Variants in RBFOX1 observed in about 807,000 individuals in gnomAD.
The protein encoded by RBFOX1 is RNA binding protein fox-1 homolog 1.
In RBFOX1, 8 loss-of-function variants were observed where a neutral mutation model predicts 57.7. The observed-to-expected ratio is 0.14, with a 90% CI of 0.08 to 0.25. The LOEUF (loss-of-function observed/expected upper bound fraction) is 0.25. Among genes scored for constraint, RBFOX1 ranks in the 10% least tolerant of loss-of-function variants. The pLI, the probability that RBFOX1 is intolerant of heterozygous loss-of-function variation, is 1.00. For missense variants in RBFOX1, 611 were observed against 548.5 expected (o/e 1.11, Z -1.14); for synonymous variants, 326 against 222.4 (o/e 1.47, Z -4.15).
At chr16:5,337,634 C>T (rs1476249725) in intron 1 of RBFOX1, among the ~76,000 whole-genome samples, 1 of 152,150 alleles carries the variant, frequency 6.6e-6, no homozygotes, top group African/African-American at 2.4e-5. Context: ...ACTGTGATGT[C>T]TTACCTCTAG....
At chr16:6,026,763 C>T (rs2095203800) in intron 1 of RBFOX1, among the ~76,000 whole-genome samples, 1 of 152,200 alleles carries the variant, frequency 6.6e-6, no homozygotes, top group African/African-American at 2.4e-5. Context: ...GTCTCAAGGC[C>T]CTGGGTTGCC....
chr16:7,687,071 C>T (rs897050279), intron 14 of RBFOX1, among the ~76,000 whole-genome samples: 4 of 152,024 alleles, frequency 2.6e-5, no homozygotes, highest in African/African-American at 9.7e-5. Context: ...TGTGTTCCCC[C>T]TTTTCAAAAA....
chr16:7,404,721 C>A (rs563221727), intron 4 of RBFOX1, among the ~76,000 whole-genome samples: 127 of 151,364 alleles, frequency 8.4e-4, no homozygotes, highest in Non-Finnish European at 1.2e-3. Flanking sequence ...AACAAACAAA[C>A]AAACAAAACC....
intron 3 of RBFOX1, among the ~76,000 whole-genome samples, chr16:5,739,365 A>T (rs1473022326): frequency 1.3e-5 from 2 of 152,238 alleles, no homozygotes; most frequent in Non-Finnish European, 2.9e-5. Context: ...CCGGTAATAC[A>T]GCTGTGAATA....
intron 3 of RBFOX1, among the ~76,000 whole-genome samples, chr16:7,039,881 T>A (rs373943184): frequency 4.6e-5 from 7 of 152,042 alleles, no homozygotes; most frequent in Admixed American, 2.6e-4. Context: ...GTTTGTACTT[T>A]TACTTTCCTA....
At chr16:7,359,635 G>C (rs941699637) in intron 4 of RBFOX1, among the ~76,000 whole-genome samples, 1 of 152,142 alleles carries the variant, frequency 6.6e-6, no homozygotes, top group Non-Finnish European at 1.5e-5. Context: ...ATGGCTTGCT[G>C]TCTACAGCAC....
intron 1 of RBFOX1, among the ~76,000 whole-genome samples, chr16:6,257,845 T>G (rs562800611): frequency 6.6e-6 from 1 of 152,320 alleles, no homozygotes; most frequent in Admixed American, 6.5e-5. Context: ...TTAGGTTGTT[T>G]CCATGTCTTT....
chr16:6,590,421 G>T (rs966342692), intron 2 of RBFOX1, among the ~76,000 whole-genome samples: 1 of 152,100 alleles, frequency 6.6e-6, no homozygotes, highest in Non-Finnish European at 1.5e-5. Flanking sequence ...TTTTTTTTGT[G>T]TGTGTAGGTG....
chr16:6,904,805 G>C (rs537960605), intron 3 of RBFOX1, among the ~76,000 whole-genome samples: 1 of 152,156 alleles, frequency 6.6e-6, no homozygotes, highest in African/African-American at 2.4e-5. Flanking sequence ...AGCTGGAGGA[G>C]AATGAAGTCA....
At chr16:6,503,712 C>A (rs1014697286) in intron 2 of RBFOX1, among the ~76,000 whole-genome samples, 5 of 152,138 alleles carry the variant, frequency 3.3e-5, no homozygotes, top group African/African-American at 1.2e-4. Context: ...CCATATGTTG[C>A]ATTTTCTGAT....
chr16:6,430,081 C>G (rs776032866), intron 2 of RBFOX1, among the ~76,000 whole-genome samples: 73 of 151,592 alleles, frequency 4.8e-4, no homozygotes, highest in Admixed American at 1.8e-3. Context: ...GCATTCCAGC[C>G]TGGGCAACAA....
intron 3 of RBFOX1, among the ~76,000 whole-genome samples, chr16:6,947,381 T>C (rs2079761677): frequency 6.6e-6 from 1 of 152,188 alleles, no homozygotes; most frequent in Admixed American, 6.5e-5. Context: ...TGCATCTTAA[T>C]CGCTCTCCCT....
At chr16:6,820,363 T>C (rs2091052788) in intron 3 of RBFOX1, among the ~76,000 whole-genome samples, 1 of 152,190 alleles carries the variant, frequency 6.6e-6, no homozygotes, top group South Asian at 2.1e-4. Context: ...ATAGGATTGT[T>C]CAGGTAACTG....
chr16:6,218,906 T>G (rs1379463329), intron 1 of RBFOX1, among the ~76,000 whole-genome samples: 1 of 151,936 alleles, frequency 6.6e-6, no homozygotes, highest in Non-Finnish European at 1.5e-5. Flanking sequence ...TTTTTCTTCT[T>G]AAGTGCTGCA....
At chr16:5,613,348 G>T (rs967034120) in intron 3 of RBFOX1, among the ~76,000 whole-genome samples, 48 of 152,166 alleles carry the variant, frequency 3.2e-4, no homozygotes, top group African/African-American at 1.0e-3. Context: ...GTTCTTGACA[G>T]AGGGAGGGTA....
chr16:6,974,742 G>A (rs2086426530), intron 3 of RBFOX1, among the ~76,000 whole-genome samples: 1 of 152,006 alleles, frequency 6.6e-6, no homozygotes, highest in African/African-American at 2.4e-5. Flanking sequence ...TCTCTTAACT[G>A]AAACTCACCA....
At chr16:7,267,996 A>C (rs2095214486) in intron 4 of RBFOX1, among the ~76,000 whole-genome samples, 1 of 152,170 alleles carries the variant, frequency 6.6e-6, no homozygotes, top group South Asian at 2.1e-4. Flanking sequence ...CAAACATCAG[A>C]GTGTACTCAC....
At chr16:6,764,686 C>T (rs1567153804) in intron 3 of RBFOX1, among the ~76,000 whole-genome samples, 1 of 152,244 alleles carries the variant, frequency 6.6e-6, no homozygotes, top group East Asian at 1.9e-4. Context: ...CCTGTAATCC[C>T]AGCACTTTTG....
chr16:6,661,901 A>G (rs4786904), intron 3 of RBFOX1, among the ~76,000 whole-genome samples: 108,698 of 151,994 alleles, frequency 0.72, 39,178 homozygotes, highest in Admixed American at 0.77. Flanking sequence ...ATATATGAGA[A>G]TATCCATTTT....
Sources: allele counts gnomAD v4.1 joint callset (sites outside exome capture counted in the v4.1 genomes callset), GRCh38; gene constraint gnomAD v4.1.1; transcripts MANE v1.5; gene names NCBI Gene and HGNC (gene_info 2026-07-23, HGNC 2026-07-21).